The following FBXL17 variants were observed in gnomAD, a reference collection of about 807,000 sequenced individuals.
FBXL17 encodes F-box/LRR-repeat protein 17.
FBXL17 carries 22 observed loss-of-function variants against 66.2 expected under a neutral mutation model. That is an observed-to-expected ratio of 0.33 (90% CI 0.24 to 0.47). The LOEUF is 0.47. Ranked by LOEUF, FBXL17 falls within the 20% of genes least tolerant of loss-of-function variation. The pLI is 1.00. For missense variants in FBXL17, 878 were observed against 948.2 expected (o/e 0.93, Z 0.97); for synonymous variants, 474 against 400.5 (o/e 1.18, Z -2.19).
At chr5:108,068,931 T>A (rs530892230) in intron 6 of FBXL17, among the ~76,000 whole-genome samples, 3 of 152,298 alleles carry the variant, frequency 2.0e-5, no homozygotes, top group South Asian at 2.1e-4. Context: ...TGCTAGCTAA[T>A]GGGGTGATTA....
chr5:108,269,420 A>C (rs1390602662), intron 4 of FBXL17, among the ~76,000 whole-genome samples: 1 of 152,104 alleles, frequency 6.6e-6, no homozygotes. Flanking sequence ...AGGGTAACCC[A>C]AGAAAGGTAT....
Position 108,348,528 on chromosome 5 carries a change from C to G in FBXL17, c.1377G>C (p.Leu459=). 1.2e-6 allele frequency: 2 copies of G among 1,610,132 alleles called. No individual in the cohort carries two copies. Among genetic ancestry groups the G allele is most frequent in the South Asian group, 2.2e-5 (2 of 90,634 alleles). ...DKLTDEGLKQ[L]GSKCRELKDI... is the part of the protein sequence containing the mutation. Reference sequence around the variant, plus strand: ...CTTTGAGTTCTCTGCATTTTGAGCCCAGCTGTAAACAAACAGATTTAGCTG... The same window carrying G: ...CTTTGAGTTCTCTGCATTTTGAGCCGAGCTGTAAACAAACAGATTTAGCTG... The change falls in exon 4 of 9, where the codon CTG becomes CTC. Residue 459 remains leucine, a splice_region_variant and synonymous_variant. Coordinates refer to ENST00000542267, the MANE Select transcript of FBXL17 (RefSeq NM_001163315.3).
intron 6 of FBXL17, among the ~76,000 whole-genome samples, chr5:108,140,580 G>C (rs750803615): frequency 6.6e-6 from 1 of 152,096 alleles, no homozygotes; most frequent in Non-Finnish European, 1.5e-5. Context: ...GCTTACAAAT[G>C]ACATTTATTG....
chr5:108,301,887 T>G (rs1758606098), intron 4 of FBXL17: 1 of 278,086 alleles, frequency 3.6e-6, no homozygotes, highest in Non-Finnish European at 5.4e-6. Flanking sequence ...TTTTTAACTC[T>G]GATAACAATG....
chr5:108,234,775 A>T (rs569102670), intron 4 of FBXL17, among the ~76,000 whole-genome samples: 19 of 152,334 alleles, frequency 1.2e-4, no homozygotes, highest in African/African-American at 4.6e-4. Context: ...TCTAATTCAG[A>T]GGTGTTGAAG....
intron 4 of FBXL17, among the ~76,000 whole-genome samples, chr5:108,333,921 C>G (rs1003625563): frequency 6.6e-6 from 1 of 152,116 alleles, no homozygotes; most frequent in Admixed American, 6.5e-5. Flanking sequence ...AGACCTGCTA[C>G]GTGCCAAGCT....
chr5:108,114,717 A>G (rs1343645374), intron 6 of FBXL17, among the ~76,000 whole-genome samples: 1 of 152,174 alleles, frequency 6.6e-6, no homozygotes, highest in African/African-American at 2.4e-5. Flanking sequence ...CAATGCCTGT[A>G]AAGAGAATTA....
chr5:108,025,735 A>T (rs1039910165), intron 6 of FBXL17, among the ~76,000 whole-genome samples: 12 of 150,966 alleles, frequency 7.9e-5, no homozygotes, highest in Admixed American at 4.6e-4. Context: ...GCGCACACAC[A>T]CACACACACA....
chr5:108,154,671 G>GTGTATATATATACACATATA, intron 6 of FBXL17, among the ~76,000 whole-genome samples: 1 of 137,968 alleles, frequency 7.2e-6, no homozygotes, highest in East Asian at 2.1e-4. Flanking sequence ...ACATATATAT[G>GTGTATATATATACACATATA]TGTATATATA....
At chr5:108,236,040 T>C (rs1360837230) in intron 4 of FBXL17, among the ~76,000 whole-genome samples, 1 of 152,198 alleles carries the variant, frequency 6.6e-6, no homozygotes, top group Non-Finnish European at 1.5e-5. Flanking sequence ...TTCTTCAATA[T>C]GTCTGAAGTG....
chr5:108,247,500 T>C (rs1019415862), intron 4 of FBXL17, among the ~76,000 whole-genome samples: 4 of 152,150 alleles, frequency 2.6e-5, no homozygotes, highest in African/African-American at 9.6e-5. Context: ...GGAAATTAGA[T>C]TATTAGGCTA....
At chr5:108,290,237 T>C (rs1758057222) in intron 4 of FBXL17, among the ~76,000 whole-genome samples, 1 of 152,146 alleles carries the variant, frequency 6.6e-6, no homozygotes, top group Admixed American at 6.6e-5. Context: ...TGAAGAGAAT[T>C]CTGTAGAATG....
chr5:108,147,045 G>C (rs1451499056), intron 6 of FBXL17, among the ~76,000 whole-genome samples: 2 of 152,124 alleles, frequency 1.3e-5, no homozygotes, highest in Admixed American at 6.5e-5. Context: ...TGGTGGAAGG[G>C]GACAGGGGCA....
rs75107658 is a variant in FBXL17 at position 108,117,078 on chromosome 5, G to A, written c.1745+69039C>T. On this transcript the variant is annotated intron_variant, in intron 6 of 8. Transcript: ENST00000542267. ...AGTTTTTATTTAAAATATTTAGAGC[G>A]ATTCACTAGTAGTAATCTTGACATT... 3.5e-3 allele frequency among the ~76,000 whole-genome samples: 528 copies of A among 152,224 alleles called. 2 individuals carry two copies. Among genetic ancestry groups the A allele is most frequent in the African/African-American group, 0.012 (509 of 41,534 alleles).
intron 4 of FBXL17, among the ~76,000 whole-genome samples, chr5:108,300,000 G>A (rs770835299): frequency 1.4e-4 from 22 of 151,758 alleles, no homozygotes; most frequent in Admixed American, 3.3e-4. Context: ...CCATTCTTAC[G>A]GACAATTCTT....
intron 4 of FBXL17, among the ~76,000 whole-genome samples, chr5:108,235,037 G>C (rs1411057305): frequency 6.6e-6 from 1 of 152,120 alleles, no homozygotes; most frequent in Middle Eastern, 3.2e-3. Context: ...AAATAATTTT[G>C]TAATCTGTGC....
At chr5:108,143,372 C>T (rs928595294) in intron 6 of FBXL17, among the ~76,000 whole-genome samples, 1 of 151,888 alleles carries the variant, frequency 6.6e-6, no homozygotes, top group African/African-American at 2.4e-5. Context: ...CACACACACA[C>T]ACATATACAA....
chr5:107,884,133 T>C (rs1004095658), intron 7 of FBXL17, among the ~76,000 whole-genome samples: 1 of 152,174 alleles, frequency 6.6e-6, no homozygotes, highest in Non-Finnish European at 1.5e-5. Flanking sequence ...ACGAAGTTTA[T>C]AGTCTAGCAG....
At chr5:108,326,287 TA>T (rs918196994) in intron 4 of FBXL17, among the ~76,000 whole-genome samples, 4 of 150,156 alleles carry the variant, frequency 2.7e-5, no homozygotes, top group Admixed American at 6.7e-5. Context: ...GACAACCAAT[TA>T]AAAAAAAATA....
Sources: gnomAD v4.1 joint callset for allele counts (sites outside exome capture counted in the v4.1 genomes callset) on GRCh38, gnomAD v4.1.1 for gene constraint, MANE v1.5 for transcripts, NCBI Gene and HGNC (gene_info 2026-07-23, HGNC 2026-07-21) for gene names.